Variants in NCOA1 observed in about 807,000 individuals in gnomAD.
NCOA1 encodes the protein nuclear receptor coactivator 1.
Under a neutral mutation model 150.9 loss-of-function variants are expected in NCOA1, and 35 were observed. That is an observed-to-expected ratio of 0.23 (90% CI 0.18 to 0.31). The LOEUF (loss-of-function observed/expected upper bound fraction) is 0.31. Among genes scored for constraint, NCOA1 ranks in the 10% least tolerant of loss-of-function variants. The pLI is 1.00. For missense variants in NCOA1, 1,491 were observed against 1,749.3 expected (o/e 0.85, Z 2.63); for synonymous variants, 590 against 630.0 (o/e 0.94, Z 0.95).
chr2:24,757,300 T>G (rs548349303), intron 20 of NCOA1, among the ~76,000 whole-genome samples: 2 of 152,258 alleles, frequency 1.3e-5, no homozygotes, highest in Admixed American at 1.3e-4. Context: ...CTTCAAAAAA[T>G]GTATGCCACT....
chr2:24,578,456 T>C (rs1667073630), intron 2 of NCOA1, among the ~76,000 whole-genome samples: 1 of 152,004 alleles, frequency 6.6e-6, no homozygotes, highest in Non-Finnish European at 1.5e-5. Context: ...AATAACAAAG[T>C]GGAAAACACA....
At chr2:24,687,335 A>G (rs1672452515) in intron 8 of NCOA1, among the ~76,000 whole-genome samples, 1 of 152,158 alleles carries the variant, frequency 6.6e-6, no homozygotes, top group African/African-American at 2.4e-5. Flanking sequence ...ATCTAAGCCA[A>G]GCTATAAACA....
At chr2:24,638,792 G>T (rs1329613654) in intron 3 of NCOA1, among the ~76,000 whole-genome samples, 1 of 152,058 alleles carries the variant, frequency 6.6e-6, no homozygotes, top group Non-Finnish European at 1.5e-5. Flanking sequence ...TTGGTCATTT[G>T]TATGTCTTTT....
chr2:24,655,894 C>T (rs1316663503), intron 4 of NCOA1, among the ~76,000 whole-genome samples: 3 of 151,918 alleles, frequency 2.0e-5, no homozygotes, highest in Non-Finnish European at 4.4e-5. Context: ...CGAGACCATC[C>T]TGGCTAACAT....
intron 3 of NCOA1, among the ~76,000 whole-genome samples, chr2:24,606,924 A>G (rs1441128349): frequency 6.6e-6 from 1 of 152,228 alleles, no homozygotes; most frequent in Non-Finnish European, 1.5e-5. Flanking sequence ...AGAGCAATGC[A>G]TAACTTCTCA....
At chr2:24,730,863 TA>T (rs1251566113) in intron 17 of NCOA1, among the ~76,000 whole-genome samples, 1 of 19,284 alleles carries the variant, frequency 5.2e-5, no homozygotes, top group African/African-American at 1.8e-4. Context: ...CCATTTCTAC[TA>T]AAAGTACAAA....
intron 2 of NCOA1, among the ~76,000 whole-genome samples, chr2:24,565,821 C>T (rs1042386187): frequency 4.6e-5 from 7 of 152,254 alleles, no homozygotes; most frequent in Non-Finnish European, 8.8e-5. Context: ...GGCATCAGCA[C>T]GGGCGCTCAC....
chr2:24,706,578 G>C lies in NCOA1; in HGVS notation c.1108G>C (p.Gly370Arg), dbSNP rs896537625. ...TCTTTTTCCCCCTAGGGAGCACAGT[G>C]GGCTTTCTCCTCAAGATGACACTAA... ...GIHIIDREHS[G>R]LSPQDDTNSG... The change falls in exon 13 of 23, where the codon GGG becomes CGG. Residue 370 changes from glycine to arginine, a missense_variant. This residue lies in a region of NCOA1 where 703 missense variants were observed against 717.7 expected (regional missense o/e 0.98). Coordinates refer to ENST00000348332, the MANE Select transcript of NCOA1 (RefSeq NM_003743.5). 2.5e-6 allele frequency: 4 copies of C among 1,609,318 alleles called. No individual in the cohort carries two copies. Among genetic ancestry groups the C allele is most frequent in the East Asian group, 2.2e-5 (1 of 44,754 alleles).
At chr2:24,658,308 G>A (rs994722090) in intron 4 of NCOA1, among the ~76,000 whole-genome samples, 4 of 151,976 alleles carry the variant, frequency 2.6e-5, no homozygotes, top group African/African-American at 9.7e-5. Context: ...TCTGACTCCA[G>A]TTCAACATTC....
At position 24,691,356 on chromosome 2, in the gene NCOA1, A is replaced by T. The variant is rs374090023; in HGVS notation, c.533-125A>T. The T allele has an allele frequency of 1.0e-3, 774 of 773,450 alleles. 16 individuals are homozygous for T. In the South Asian group the frequency reaches 0.013, roughly 13 times the overall value. The allele number at this position is 773,450 out of a possible 1,614,324, so 47.9% of individuals were successfully genotyped here. A position where few individuals can be genotyped will look rare whatever the true frequency, so the allele number is the denominator to read the frequency against. On this transcript the variant is annotated intron_variant, in intron 8 of 22. Transcript: ENST00000348332. ...CCTCAGGATAATGTTAGATCTGAAG[A>T]GGTCAGTCTGTCTTTTAATCTGAGT...
intron 6 of NCOA1, among the ~76,000 whole-genome samples, chr2:24,667,701 C>T (rs1364731574): frequency 6.6e-6 from 1 of 152,086 alleles, no homozygotes; most frequent in East Asian, 1.9e-4. Context: ...TTTGTTTCCT[C>T]ACACTCTCTG....
At chr2:24,703,919 A>G (rs1449959956) in intron 11 of NCOA1, among the ~76,000 whole-genome samples, 13 of 152,190 alleles carry the variant, frequency 8.5e-5, no homozygotes, top group African/African-American at 3.1e-4. Flanking sequence ...GTAGTACTCA[A>G]TCTTTCTTAA....
intron 7 of NCOA1, among the ~76,000 whole-genome samples, chr2:24,680,276 C>T (rs1236834029): frequency 6.6e-6 from 1 of 152,196 alleles, no homozygotes; most frequent in Admixed American, 6.5e-5. Flanking sequence ...TCCTCACCTA[C>T]GCTTAACAGA....
At chr2:24,607,267 T>C (rs1444421644) in intron 3 of NCOA1, among the ~76,000 whole-genome samples, 1 of 152,112 alleles carries the variant, frequency 6.6e-6, no homozygotes, top group Non-Finnish European at 1.5e-5. Context: ...AGCTATATCT[T>C]TAATAAAATT....
intron 5 of NCOA1, among the ~76,000 whole-genome samples, chr2:24,665,208 A>C (rs965655050): frequency 1.3e-5 from 2 of 152,056 alleles, no homozygotes; most frequent in Non-Finnish European, 2.9e-5. Context: ...CTTCGTCTCT[A>C]ATTATTATTA....
rs183337766 is a variant in NCOA1, at chr2:24,598,328, G to A, written c.-175+13768G>A. Among the ~76,000 whole-genome samples, 18 of 152,206 alleles carry A rather than the reference G, an allele frequency of 1.2e-4. No homozygotes were observed. The East Asian group carries it at 3.1e-3, about 26-fold the overall frequency. ...AAAATTGAAATTATTATAAGGAATA[G>A]TCACAAGTTATAAAAGAAACATTCA... On this transcript the variant is annotated intron_variant, in intron 3 of 22. Coordinates refer to ENST00000348332, the MANE Select transcript of NCOA1 (RefSeq NM_003743.5).
intron 2 of NCOA1, among the ~76,000 whole-genome samples, chr2:24,573,805 C>T (rs999188061): frequency 9.2e-5 from 14 of 151,450 alleles, no homozygotes; most frequent in Non-Finnish European, 1.3e-4. Flanking sequence ...AAATAAATAC[C>T]GGGTCAAACA....
chr2:24,533,562 A>C (rs1019578233), intron 1 of NCOA1, among the ~76,000 whole-genome samples: 6 of 152,186 alleles, frequency 3.9e-5, no homozygotes, highest in Non-Finnish European at 7.4e-5. Context: ...TTGCCCATTC[A>C]GTATGATATT....
At chr2:24,755,521 C>T (rs1664454091) in intron 20 of NCOA1, among the ~76,000 whole-genome samples, 1 of 152,224 alleles carries the variant, frequency 6.6e-6, no homozygotes, top group South Asian at 2.1e-4. Context: ...TTAGTGACTA[C>T]CAAATACCTA....
Sources: allele counts gnomAD v4.1 joint callset (sites outside exome capture counted in the v4.1 genomes callset), GRCh38; gene constraint gnomAD v4.1.1; regional missense constraint gnomAD v4.1.1; transcripts MANE v1.5; gene names NCBI Gene and HGNC (gene_info 2026-07-23, HGNC 2026-07-21).